Variants in RGS12 observed in about 807,000 individuals in gnomAD.
The protein encoded by RGS12 is regulator of G protein signaling 12.
In RGS12, 66 loss-of-function variants were observed where a neutral mutation model predicts 120.1. That is an observed-to-expected ratio of 0.55 (90% CI 0.45 to 0.67). The LOEUF is 0.67. Among genes scored for constraint, RGS12 ranks in the 30% least tolerant of loss-of-function variants. The pLI, the probability that RGS12 is intolerant of heterozygous loss-of-function variation, is 0.00. For missense variants in RGS12, 1,859 were observed against 1,957.7 expected (o/e 0.95, Z 0.95); for synonymous variants, 827 against 804.7 (o/e 1.03, Z -0.47).
chr4:3,386,520 C>A, intron 4 of RGS12, 83 bp downstream of exon 4: 1 of 1,216,834 alleles, frequency 8.2e-7, no homozygotes, highest in Admixed American at 1.7e-5. Context: ...ATTTGATGCC[C>A]TCAGGAAGGA....
chr4:3,434,979 A>G (rs974663303), intron 17 of RGS12, among the ~76,000 whole-genome samples: 4 of 151,754 alleles, frequency 2.6e-5, no homozygotes, highest in African/African-American at 4.8e-5. Context: ...AAGAGGATGG[A>G]CTCCACCTGC....
At chr4:3,338,515 C>A (rs909563889) in intron 2 of RGS12, among the ~76,000 whole-genome samples, 4 of 152,386 alleles carry the variant, frequency 2.6e-5, no homozygotes, top group South Asian at 4.1e-4. Context: ...GTTGACCGGC[C>A]GTCCCTTGGG....
At chr4:3,383,250 T>C (rs1030909606) in intron 3 of RGS12, among the ~76,000 whole-genome samples, 3 of 152,144 alleles carry the variant, frequency 2.0e-5, no homozygotes, top group African/African-American at 7.2e-5. Flanking sequence ...CTTCCCCCTC[T>C]GTTCCTTCCT....
chr4:3,406,670 G>T (rs1017774476), intron 4 of RGS12, among the ~76,000 whole-genome samples: 3 of 152,250 alleles, frequency 2.0e-5, no homozygotes, highest in African/African-American at 7.2e-5. Flanking sequence ...GGCCTCACCT[G>T]TGGTGTTAGC....
the RGS12 span, among the ~76,000 whole-genome samples, chr4:3,286,896 G>A: frequency 2.8e-3 from 430 of 152,354 alleles, 4 homozygotes; most frequent in African/African-American, 0.01. Flanking sequence ...AGCCGACGCT[G>A]CTCCGGCAGG....
At chr4:3,416,850 C>G in intron 7 of RGS12, 63 bp from the exon 8 acceptor site, 1 of 1,491,432 alleles carries the variant, frequency 6.7e-7, no homozygotes, top group Non-Finnish European at 9.1e-7. Flanking sequence ...CAAGCAGCCT[C>G]GCGCCTGAGG....
chr4:3,340,055 C>T (rs1712888914), intron 2 of RGS12, among the ~76,000 whole-genome samples: 1 of 152,220 alleles, frequency 6.6e-6, no homozygotes. Context: ...CTGAACATTT[C>T]CCGTTATTGC....
At chr4:3,298,505 C>A (rs1723503371) in intron 1 of RGS12, among the ~76,000 whole-genome samples, 1 of 152,202 alleles carries the variant, frequency 6.6e-6, no homozygotes, top group Non-Finnish European at 1.5e-5. Context: ...CATGCACCCC[C>A]ACAACTGGCA....
At position 3,428,574 on chromosome 4, in the gene RGS12, T is replaced by C; in HGVS notation, c.3428T>C (p.Leu1143Pro). 6.3e-7 allele frequency: 1 copy of C among 1,591,308 alleles called. No individual in the cohort carries two copies. Reference protein sequence around the residue: ...NHSATGEERTLGKSNSIKIKG... With the variant: ...NHSATGEERTPGKSNSIKIKG... ...CTAATGCAGGGAGAGGAAAGAACAC[T>C]AGGCAAGTCTAATTCTATTAAAATA... Residue 1143 changes from leucine to proline, a missense_variant, in exon 16 of 18, where the codon CTA (leucine) becomes CCA (proline). Physicochemically the swap from Leu to Pro is moderately conservative, Grantham distance 98. Transcript: ENST00000336727.
At chr4:3,311,509 G>A (rs1724401737) in intron 1 of RGS12, among the ~76,000 whole-genome samples, 1 of 152,170 alleles carries the variant, frequency 6.6e-6, no homozygotes. Flanking sequence ...GAGTGAAGGA[G>A]TGACAGTGCG....
chr4:3,293,361 C>A (rs1423640196), intron 1 of RGS12, among the ~76,000 whole-genome samples: 10 of 145,816 alleles, frequency 6.9e-5, no homozygotes, highest in Admixed American at 6.8e-4. Flanking sequence ...GCCTGTGGGG[C>A]CTCCGGCCGG....
intron 6 of RGS12, among the ~76,000 whole-genome samples, chr4:3,415,070 T>G (rs1722224261): frequency 1.0e-5 from 1 of 97,536 alleles, no homozygotes; most frequent in Non-Finnish European, 2.1e-5. Flanking sequence ...GTGAGGGGCG[T>G]GTGAGGTCGC....
Position 3,390,041 on chromosome 4 carries a change from T to C in RGS12, c.2020+3604T>C, listed in dbSNP as rs536282116. Reference sequence around the variant, plus strand: ...CTCTGCAGCCATCCTCCCGCTCCCTTCTCCTGAACGCTGGTGGTTGCCCCC... The same window carrying C: ...CTCTGCAGCCATCCTCCCGCTCCCTCCTCCTGAACGCTGGTGGTTGCCCCC... On this transcript the variant is annotated intron_variant, in intron 4 of 17. Transcript: ENST00000336727. This position sits in a 1 kb window ranked among gnomAD's most constrained non-coding sequence, Gnocchi z 4.6. Among the ~76,000 whole-genome samples the C allele has an allele frequency of 6.6e-6, 1 of 152,114 alleles. No homozygotes were observed. The highest frequency in any genetic ancestry group is 1.9e-4 in the East Asian group (1 of 5,168).
At chr4:3,403,165 G>A (rs1477007328) in intron 4 of RGS12, among the ~76,000 whole-genome samples, 1 of 152,234 alleles carries the variant, frequency 6.6e-6, no homozygotes, top group African/African-American at 2.4e-5. Flanking sequence ...GAAGGACTTG[G>A]TGTCACTTCA....
chr4:3,290,372 G>A (rs908368850), upstream of RGS12, among the ~76,000 whole-genome samples: 3 of 152,152 alleles, frequency 2.0e-5, no homozygotes, highest in African/African-American at 7.2e-5. Context: ...AATAACTTCT[G>A]TCCTCTTCTC....
chr4:3,403,402 A>T (rs1720795487), intron 4 of RGS12, among the ~76,000 whole-genome samples: 2 of 152,056 alleles, frequency 1.3e-5, no homozygotes, highest in African/African-American at 4.8e-5. Context: ...TGGGGGCCAG[A>T]CTCACGGTCA....
At chr4:3,371,331 G>A (rs1296965739) in intron 3 of RGS12, among the ~76,000 whole-genome samples, 1 of 152,248 alleles carries the variant, frequency 6.6e-6, no homozygotes, top group African/African-American at 2.4e-5. Flanking sequence ...TGTAACCTCT[G>A]TTTCATATCC....
chr4:3,293,286 C>G (rs1382485462), intron 1 of RGS12, among the ~76,000 whole-genome samples, 187 bp downstream of exon 1: 1 of 144,086 alleles, frequency 6.9e-6, no homozygotes, highest in African/African-American at 2.5e-5. Flanking sequence ...GACTCAGGCT[C>G]CTGGTCCCGG....
chr4:3,389,484 G>C lies in RGS12; in HGVS notation c.2020+3047G>C, dbSNP rs1044757143. Among the ~76,000 whole-genome samples the C allele has an allele frequency of 6.6e-6, 1 of 152,168 alleles. No individual in the cohort carries two copies. The highest frequency in any genetic ancestry group is 1.5e-5 in the Non-Finnish European group (1 of 68,018). ...AATGAGAAAAGGAAGATGCCCGGTTGCTCCTGGAAAAAGGAACCTCTCACC... is the reference window on the plus strand; with the variant it reads ...AATGAGAAAAGGAAGATGCCCGGTTCCTCCTGGAAAAAGGAACCTCTCACC... On this transcript the variant is annotated intron_variant, in intron 4 of 17. Transcript: ENST00000336727. The surrounding 1 kb of genome is among the most constrained non-coding windows in gnomAD (Gnocchi z 5.2).
Sources: allele counts gnomAD v4.1 joint callset (sites outside exome capture counted in the v4.1 genomes callset), GRCh38; gene constraint gnomAD v4.1.1; non-coding constraint Gnocchi (gnomAD v3.1); transcripts MANE v1.5; gene names NCBI Gene and HGNC (gene_info 2026-07-23, HGNC 2026-07-21).